GABRB1: variants seen among roughly 807,000 people sequenced by gnomAD.
GABRB1 encodes the protein gamma-aminobutyric acid receptor subunit beta-1.
GABRB1 carries 17 observed loss-of-function variants against 51.6 expected under a neutral mutation model. The observed-to-expected ratio is 0.33, with a 90% confidence interval of 0.23 to 0.49. The LOEUF (loss-of-function observed/expected upper bound fraction) is 0.49. Ranked by LOEUF, GABRB1 falls within the 20% of genes least tolerant of loss-of-function variation. The probability of loss-of-function intolerance (pLI) is 0.99; values close to 1 mark genes in which losing one functional copy is unlikely to be tolerated. For missense variants in GABRB1, 410 were observed against 600.6 expected (o/e 0.68, Z 3.32); for synonymous variants, 247 against 218.9 (o/e 1.13, Z -1.14).
At chr4:47,243,153 C>T (rs981375053) in intron 4 of GABRB1, among the ~76,000 whole-genome samples, 1 of 152,152 alleles carries the variant, frequency 6.6e-6, no homozygotes, top group African/African-American at 2.4e-5. Flanking sequence ...ATCCTTTCCC[C>T]ATTGCTTGTT....
chr4:47,189,343 G>A (rs1719331846), intron 4 of GABRB1, among the ~76,000 whole-genome samples: 3 of 151,824 alleles, frequency 2.0e-5, no homozygotes, highest in African/African-American at 7.3e-5. Context: ...CAAGGAAGCA[G>A]GTGAATAACT....
At chr4:47,375,514 G>A (rs1033829932) in intron 5 of GABRB1, among the ~76,000 whole-genome samples, 1 of 152,176 alleles carries the variant, frequency 6.6e-6, no homozygotes, top group African/African-American at 2.4e-5. Flanking sequence ...CTCCAGTCCT[G>A]TTTACACTAA....
At chr4:47,175,089 TTTGTTTCC>T (rs1269941944) in intron 4 of GABRB1, among the ~76,000 whole-genome samples, 1 of 121,130 alleles carries the variant, frequency 8.3e-6, no homozygotes, top group African/African-American at 3.0e-5. Context: ...CCCTCCCTTG[TTTGTTTCC>T]TTCCTTCCTT....
intron 3 of GABRB1, among the ~76,000 whole-genome samples, chr4:47,093,148 G>A (rs961791716): frequency 6.6e-6 from 1 of 152,090 alleles, no homozygotes; most frequent in South Asian, 2.1e-4. Context: ...GATACCATTA[G>A]ACTGAAGAAT....
At position 47,265,403 on chromosome 4, in the gene GABRB1, C is replaced by T. The variant is rs372346396; in HGVS notation, c.462-54724C>T. ...AATATATTTGCCATTGTGAATAGTG[C>T]TGCAATAAACATATGAGCGCAGATA... On this transcript the variant is annotated intron_variant, in intron 4 of 8. Coordinates refer to ENST00000295454, the MANE Select transcript of GABRB1 (RefSeq NM_000812.4). 5.3e-5 allele frequency among the ~76,000 whole-genome samples: 8 copies of T among 152,194 alleles called. No homozygotes were observed. In the South Asian group the frequency reaches 8.3e-4, roughly 16 times the overall value.
intron 5 of GABRB1, among the ~76,000 whole-genome samples, chr4:47,336,028 T>C (rs1480859122): frequency 6.6e-6 from 1 of 152,308 alleles, no homozygotes; most frequent in African/African-American, 2.4e-5. Flanking sequence ...AGATCTACAC[T>C]TAGAAGTAAA....
chr4:47,262,837 T>A (rs545837650), intron 4 of GABRB1, among the ~76,000 whole-genome samples: 63 of 151,934 alleles, frequency 4.1e-4, no homozygotes, highest in Non-Finnish European at 8.7e-4. Flanking sequence ...ATGTGGCACA[T>A]ATGCACCATG....
intron 5 of GABRB1, among the ~76,000 whole-genome samples, chr4:47,327,185 A>T (rs1402833320): frequency 6.6e-6 from 1 of 152,162 alleles, no homozygotes; most frequent in Admixed American, 6.6e-5. Flanking sequence ...GTATAATTTT[A>T]TATTCATGTT....
chr4:47,364,145 C>T lies in GABRB1; in HGVS notation c.545-39173C>T, dbSNP rs560169556. On this transcript the variant is annotated intron_variant, in intron 5 of 8. Transcript: ENST00000295454. Reference sequence around the variant, plus strand: ...GCCTTACATTTAGGACTTAGACCAACAGAGAAGACACTAGAAGAGGCTGGC... The same window carrying T: ...GCCTTACATTTAGGACTTAGACCAATAGAGAAGACACTAGAAGAGGCTGGC... 2.2e-4 allele frequency among the ~76,000 whole-genome samples: 34 copies of T among 152,304 alleles called. No individual in the cohort carries two copies. In the South Asian group the frequency reaches 6.2e-3, roughly 28 times the overall value.
chr4:47,069,029 T>A (rs1727202142), intron 3 of GABRB1, among the ~76,000 whole-genome samples: 1 of 152,162 alleles, frequency 6.6e-6, no homozygotes, highest in Admixed American at 6.5e-5. Context: ...TAATCTCATC[T>A]CATCTCTAAA....
chr4:47,014,557 G>A (rs1019218941), intron 1 of GABRB1, among the ~76,000 whole-genome samples: 4 of 151,884 alleles, frequency 2.6e-5, no homozygotes, highest in African/African-American at 9.7e-5. Flanking sequence ...CCTAGCAATT[G>A]TCCACTTCTG....
chr4:47,047,395 A>G (rs1020474317), intron 3 of GABRB1, among the ~76,000 whole-genome samples: 27 of 152,140 alleles, frequency 1.8e-4, no homozygotes, highest in African/African-American at 6.0e-4. Flanking sequence ...TGAAGTATAT[A>G]TCATTATTAT....
At chr4:47,193,691 A>G (rs1023775) in intron 4 of GABRB1, among the ~76,000 whole-genome samples, 106,919 of 151,358 alleles carry the variant, frequency 0.71, 38,207 homozygotes, top group Middle Eastern at 0.86. Context: ...CTACACTGAA[A>G]GCATTTAGTC....
At chr4:47,188,981 A>T (rs540475350) in intron 4 of GABRB1, among the ~76,000 whole-genome samples, 1 of 152,148 alleles carries the variant, frequency 6.6e-6, no homozygotes, top group Admixed American at 6.6e-5. Flanking sequence ...GTTGAGCAAG[A>T]AATATTATAT....
chr4:47,161,438 C>T lies in GABRB1; in HGVS notation c.430C>T (p.His144Tyr). Residue 144 changes from histidine (H) to tyrosine (Y), a missense_variant, in exon 4 of 9, where the codon CAT (histidine) becomes TAT (tyrosine). By Grantham distance (83) the His-to-Tyr change is moderately conservative. Coordinates refer to ENST00000295454, the MANE Select transcript of GABRB1 (RefSeq NM_000812.4). ...VTVKNRMIRL[H>Y]PDGTVLYGLR... is the part of the protein sequence containing the mutation. ...AGTGAAAAATCGAATGATTCGACTG[C>T]ATCCTGATGGAACAGTTCTCTATGG... The T allele has an allele frequency of 6.2e-7, 1 of 1,612,300 alleles. No homozygotes were observed. Among genetic ancestry groups the T allele is most frequent in the Non-Finnish European group, 8.5e-7 (1 of 1,178,854 alleles).
At chr4:47,354,980 G>GTTTTT (rs71195627) in intron 5 of GABRB1, among the ~76,000 whole-genome samples, 671 of 44,242 alleles carry the variant, frequency 0.015, 145 homozygotes, top group Non-Finnish European at 0.019. Flanking sequence ...TTCTTCCTTT[G>GTTTTT]TTTTTTTTTT....
intron 3 of GABRB1, among the ~76,000 whole-genome samples, chr4:47,040,023 GA>G (rs1407635303): frequency 4.6e-5 from 7 of 152,290 alleles, no homozygotes; most frequent in Admixed American, 2.6e-4. Flanking sequence ...ACAAGGACCA[GA>G]AGTGCACTGC....
intron 4 of GABRB1, among the ~76,000 whole-genome samples, chr4:47,256,191 A>G (rs1373432006): frequency 1.3e-5 from 2 of 152,208 alleles, no homozygotes; most frequent in African/African-American, 4.8e-5. Context: ...TAGTGAAGGG[A>G]TAGAAAAAGC....
At chr4:47,122,715 G>A (rs1715832549) in intron 3 of GABRB1, among the ~76,000 whole-genome samples, 2 of 152,182 alleles carry the variant, frequency 1.3e-5, no homozygotes, top group Admixed American at 1.3e-4. Context: ...AACTGCAACA[G>A]CTGCTGTCAC....
Sources: allele counts gnomAD v4.1 joint callset (sites outside exome capture counted in the v4.1 genomes callset), GRCh38; gene constraint gnomAD v4.1.1; transcripts MANE v1.5; gene names NCBI Gene and HGNC (gene_info 2026-07-23, HGNC 2026-07-21).